Variants in ABCC12 observed in about 807,000 individuals in gnomAD.
ABCC12 encodes ATP binding cassette subfamily C member 12, also known as ATP-binding cassette sub-family C member 12.
ABCC12 carries 142 observed loss-of-function variants against 151.1 expected under a neutral mutation model. The observed-to-expected ratio is 0.94, with a 90% CI of 0.82 to 1.08. ABCC12 has a LOEUF of 1.08. Among genes scored for constraint, ABCC12 ranks in the 50% least tolerant of loss-of-function variants. ABCC12 has a pLI of 0.00. For synonymous variants in ABCC12, 645 were observed against 646.4 expected, an observed-to-expected ratio of 1.00 and a Z score of 0.03; for missense variants, 1,638 against 1,691.1, an observed-to-expected ratio of 0.97 and a Z score of 0.55.
Position 48,144,065 on chromosome 16 carries a change from C to T in ABCC12, c.120G>A (p.Arg40=), listed in dbSNP as rs747938184. The T allele has an allele frequency of 1.2e-6, 2 of 1,612,118 alleles. No homozygotes were observed. The highest frequency in any genetic ancestry group is 3.3e-5 in the Admixed American group (2 of 59,866). ...KTMIPVRPCA[R]LAPNPVDDAG... is the part of the protein sequence containing the mutation. ...CATCATCCACCGGGTTGGGTGCTAA[C>T]CTGCAGACAAACAAGACACTCAGCG... The change falls in exon 4 of 31, where the codon AGG becomes AGA. Residue 40 remains arginine (R), a splice_region_variant and synonymous_variant. Coordinates refer to ENST00000311303, the MANE Select transcript of ABCC12 (RefSeq NM_001393797.1).
chr16:48,104,622 C>G (rs1017698063), intron 21 of ABCC12, among the ~76,000 whole-genome samples: 10 of 152,202 alleles, frequency 6.6e-5, no homozygotes, highest in African/African-American at 2.4e-4. Context: ...CCCTTCAAAT[C>G]TGGGATGCAG....
In ABCC12 at chr16:48,111,873, T is replaced by A. The variant is rs1488106323; in HGVS notation, c.2027A>T (p.Asp676Val). The A allele has an allele frequency of 3.7e-6, 6 of 1,613,994 alleles. No homozygotes were observed. The Admixed American group carries it at 8.3e-5, about 22-fold the overall frequency. ...ESCDEVILLE[D>V]GEICEKGTHK... ...GGTTCCCTTTTCACAAATCTCTCCA[T>A]CTTCTAATAAAATAACTTCATCACA... The change falls in exon 16 of 31, where the codon GAT becomes GTT. Residue 676 changes from aspartate (D) to valine (V), a missense_variant. Physicochemically the swap from Asp to Val is radical, Grantham distance 152 (BLOSUM62 -3). Transcript: ENST00000311303.
intron 8 of ABCC12, among the ~76,000 whole-genome samples, chr16:48,136,818 C>T (rs547540161): frequency 2.0e-5 from 3 of 152,192 alleles, no homozygotes; most frequent in Admixed American, 6.5e-5. Flanking sequence ...ACGAGTGTGG[C>T]GTGTGGTTCT....
intron 24 of ABCC12, among the ~76,000 whole-genome samples, chr16:48,093,273 T>A (rs1962978115): frequency 6.6e-6 from 1 of 152,192 alleles, no homozygotes; most frequent in Non-Finnish European, 1.5e-5. Context: ...CAAAGCTCTA[T>A]GTATTCTACT....
intron 19 of ABCC12, 54 bp from the exon 20 acceptor site, chr16:48,107,479 G>T: frequency 6.6e-7 from 1 of 1,506,232 alleles, no homozygotes; most frequent in Non-Finnish European, 9.2e-7. Context: ...ACATGGCAGG[G>T]GCTGACCTTC....
At chr16:48,128,317 G>T in intron 11 of ABCC12, 142 bp downstream of exon 11, 1 of 1,273,692 alleles carries the variant, frequency 7.9e-7, no homozygotes, top group Non-Finnish European at 1.1e-6. Context: ...TTTAAAACTG[G>T]GGGAAAAATA....
intron 15 of ABCC12, 63 bp downstream of exon 15, chr16:48,115,352 G>GT: frequency 6.5e-7 from 1 of 1,550,206 alleles, no homozygotes; most frequent in Non-Finnish European, 8.8e-7. Context: ...AGGAGGCTCT[G>GT]TGAGCATCAG....
intron 4 of ABCC12, among the ~76,000 whole-genome samples, chr16:48,143,491 A>AC: frequency 6.6e-6 from 1 of 152,218 alleles, no homozygotes; most frequent in South Asian, 2.1e-4. Context: ...AGTTTATGGG[A>AC]CCCCTTCCTT....
intron 1 of ABCC12, among the ~76,000 whole-genome samples, 194 bp from the exon 2 acceptor site, chr16:48,154,078 G>A (rs1965152012): frequency 6.6e-6 from 1 of 152,124 alleles, no homozygotes; most frequent in Non-Finnish European, 1.5e-5. Flanking sequence ...GTGCCAACCG[G>A]GCCAGGGTCC....
chr16:48,115,740 C>T, intron 14 of ABCC12, 122 bp from the exon 15 acceptor site: 1 of 1,029,800 alleles, frequency 9.7e-7, no homozygotes, highest in Non-Finnish European at 1.4e-6. Flanking sequence ...CTCGCCATAT[C>T]CAAGTTCCTC....
At chr16:48,108,296 AG>A in intron 19 of ABCC12, 143 bp downstream of exon 19, 2 of 712,538 alleles carry the variant, frequency 2.8e-6, no homozygotes, top group South Asian at 4.0e-5. Flanking sequence ...AGTTTTTAGG[AG>A]GGGAAAAAAT....
chr16:48,124,335 G>T, intron 11 of ABCC12, 51 bp from the exon 12 acceptor site: 1 of 1,590,906 alleles, frequency 6.3e-7, no homozygotes, highest in Non-Finnish European at 8.6e-7. Flanking sequence ...ACTTCTTAGA[G>T]GGTCTGGCCC....
chr16:48,135,604 T>G (rs1243725766), intron 8 of ABCC12, among the ~76,000 whole-genome samples: 1 of 152,056 alleles, frequency 6.6e-6, no homozygotes, highest in Non-Finnish European at 1.5e-5. Flanking sequence ...CAGGCTAGTC[T>G]CGAATATTTA....
intron 11 of ABCC12, 87 bp from the exon 12 acceptor site, chr16:48,124,371 G>A (rs1266721345): frequency 2.5e-5 from 33 of 1,332,388 alleles, no homozygotes; most frequent in Non-Finnish European, 3.5e-5. Context: ...AAACTATGCT[G>A]GTCAGGCCAG....
chr16:48,121,793 G>A lies in ABCC12; in HGVS notation c.1635C>T (p.Tyr545=), dbSNP rs764643104. 22 of 1,613,984 alleles carry A rather than the reference G, an allele frequency of 1.4e-5. No homozygotes were observed. The highest frequency in any genetic ancestry group is 9.9e-5 in the South Asian group (9 of 91,082). Reference sequence around the variant, plus strand: ...GAAAGATCCATGCCTGCTGTGAAACGTAGGCCAAAGTTCCATTGACTGCCA... The same window carrying A: ...GAAAGATCCATGCCTGCTGTGAAACATAGGCCAAAGTTCCATTGACTGCCA... The part of the protein sequence containing the change: ...GVVAVNGTLA[Y]VSQQAWIFHG... Residue 545 remains tyrosine, a synonymous_variant, in exon 13 of 31, where the codon TAC becomes TAT. Coordinates refer to ENST00000311303, the MANE Select transcript of ABCC12 (RefSeq NM_001393797.1).
At chr16:48,145,498 G>C (rs1389365990) in intron 3 of ABCC12, among the ~76,000 whole-genome samples, 1 of 152,184 alleles carries the variant, frequency 6.6e-6, no homozygotes, top group Non-Finnish European at 1.5e-5. Flanking sequence ...TGACCTGGCA[G>C]CTCATTCCAT....
chr16:48,147,535 T>C (rs1206064539), intron 2 of ABCC12, among the ~76,000 whole-genome samples: 2 of 152,158 alleles, frequency 1.3e-5, no homozygotes, highest in Non-Finnish European at 2.9e-5. Context: ...GATAAAACCA[T>C]GGCATGGCAG....
chr16:48,100,795 C>T (rs1024171159), intron 23 of ABCC12, 77 bp downstream of exon 23: 8 of 1,524,944 alleles, frequency 5.2e-6, no homozygotes, highest in African/African-American at 1.4e-5. Context: ...GCCCAGACTT[C>T]CCTCCTCCTG....
intron 1 of ABCC12, among the ~76,000 whole-genome samples, chr16:48,155,315 C>G (rs1011743695): frequency 6.6e-6 from 1 of 150,736 alleles, no homozygotes; most frequent in South Asian, 2.1e-4. Context: ...AAGAAGGATG[C>G]AGAGCCTGGA....
Sources: allele counts gnomAD v4.1 joint callset (sites outside exome capture counted in the v4.1 genomes callset), GRCh38; gene constraint gnomAD v4.1.1; transcripts MANE v1.5; gene names NCBI Gene and HGNC (gene_info 2026-07-23, HGNC 2026-07-21).